MTOR: variants seen among roughly 807,000 people sequenced by gnomAD.
MTOR encodes mechanistic target of rapamycin kinase, also known as serine/threonine-protein kinase mTOR.
A neutral mutation model predicts 319.8 loss-of-function variants in MTOR; 70 were observed. That is an observed-to-expected ratio of 0.22 (90% CI 0.18 to 0.27). The LOEUF is 0.27. MTOR is among the 10% of genes least tolerant of loss of function. The pLI, the probability that MTOR is intolerant of heterozygous loss-of-function variation, is 1.00. For synonymous variants in MTOR, 1,183 were observed against 1,211.4 expected (o/e 0.98, Z 0.49); for missense variants, 1,890 against 3,274.4 (o/e 0.58, Z 10.32).
At position 11,247,937 on chromosome 1, in the gene MTOR, A is replaced by C. The variant is rs1649066225; in HGVS notation, c.998T>G (p.Leu333Arg). 3.1e-6 allele frequency: 5 copies of C among 1,614,166 alleles called. No individual in the cohort carries two copies. The East Asian group carries it at 1.1e-4, about 36-fold the overall frequency. ...GCCTTGGTGAGAGCTGTACCCCAGC[A>C]GCCCCACCAAGGCATTTGACTGCTG... ...QPQQSNALVG[L>R]LGYSSHQGLM... The change falls in exon 7 of 58, where the codon CTG (leucine) becomes CGG (arginine). Residue 333 changes from leucine to arginine, a missense_variant. Physicochemically the swap from Leu to Arg is moderately radical, Grantham distance 102. Transcript: ENST00000361445.
intron 53 of MTOR, among the ~76,000 whole-genome samples, chr1:11,114,038 G>GT (rs1432236145): frequency 6.6e-6 from 1 of 152,098 alleles, no homozygotes; most frequent in Non-Finnish European, 1.5e-5. Flanking sequence ...CACCATGATT[G>GT]TAAGTTTCCT....
chr1:11,175,244 T>C (rs574712133), intron 28 of MTOR, among the ~76,000 whole-genome samples: 1 of 152,152 alleles, frequency 6.6e-6, no homozygotes, highest in Non-Finnish European at 1.5e-5. Context: ...AAACTGAACC[T>C]GGCGTTAGGA....
intron 28 of MTOR, 45 bp from the exon 29 acceptor site, chr1:11,167,562 G>A (rs779052738): frequency 1.0e-5 from 16 of 1,523,912 alleles, no homozygotes; most frequent in African/African-American, 1.4e-5. Context: ...ACAGGTCTGA[G>A]GGTAGGAGAT....
intron 18 of MTOR, among the ~76,000 whole-genome samples, chr1:11,229,315 C>T (rs1646943220): frequency 6.6e-6 from 1 of 152,164 alleles, no homozygotes; most frequent in South Asian, 2.1e-4. Context: ...TCCTTGGTTC[C>T]CCTAGGGAAT....
intron 29 of MTOR, among the ~76,000 whole-genome samples, chr1:11,164,420 C>T (rs1421549871): frequency 6.6e-6 from 1 of 151,050 alleles, no homozygotes; most frequent in Admixed American, 6.6e-5. Flanking sequence ...GATATCACCA[C>T]CGATCCCACA....
intron 28 of MTOR, chr1:11,192,351 T>C: frequency 6.2e-7 from 1 of 1,613,536 alleles, no homozygotes; most frequent in Non-Finnish European, 8.5e-7. Flanking sequence ...GATGACTTCC[T>C]GGGCAGCCCT....
intron 18 of MTOR, 102 bp downstream of exon 18, chr1:11,230,823 C>G: frequency 1.3e-6 from 2 of 1,514,396 alleles, no homozygotes; most frequent in South Asian, 2.4e-5. Context: ...AGCCAATATC[C>G]TATAATTTCT....
At chr1:11,160,900 C>A (rs560196094) in intron 29 of MTOR, among the ~76,000 whole-genome samples, 2 of 152,298 alleles carry the variant, frequency 1.3e-5, no homozygotes, top group South Asian at 2.1e-4. Context: ...ACCTGAGGTA[C>A]TGGGTTCATC....
chr1:11,167,571 ATGTGGGGG>A, intron 28 of MTOR, 54 bp from the exon 29 acceptor site: 1 of 1,416,702 alleles, frequency 7.1e-7, no homozygotes, highest in Admixed American at 1.7e-5. Context: ...AGGGTAGGAG[ATGTGGGGG>A]TCATTTGTGG....
chr1:11,250,870 A>G (rs1340040089), intron 6 of MTOR, among the ~76,000 whole-genome samples: 1 of 152,106 alleles, frequency 6.6e-6, no homozygotes, highest in Admixed American at 6.6e-5. Flanking sequence ...ACACCTTGAC[A>G]CTTCTTTCTC....
At chr1:11,173,444 A>AT (rs1275103160) in intron 28 of MTOR, among the ~76,000 whole-genome samples, 173 of 144,164 alleles carry the variant, frequency 1.2e-3, no homozygotes, top group Non-Finnish European at 1.7e-3. Context: ...ACACATTATT[A>AT]TTTTTTTTTT....
At chr1:11,214,131 T>C (rs1270785836) in intron 20 of MTOR, among the ~76,000 whole-genome samples, 2 of 152,244 alleles carry the variant, frequency 1.3e-5, no homozygotes, top group Admixed American at 1.3e-4. Context: ...CAGGGTGGAC[T>C]TGGACCTTAC....
At position 11,127,268 on chromosome 1, in the gene MTOR, G is replaced by T; in HGVS notation, c.6217-124C>A. The T allele has an allele frequency of 7.3e-7, 1 of 1,372,756 alleles. No individual in the cohort carries two copies. Among genetic ancestry groups the T allele is most frequent in the Non-Finnish European group, 9.9e-7 (1 of 1,011,254 alleles). 85.0% of individuals were successfully genotyped at this position (1,372,756 alleles called of 1,614,324 possible). On this transcript the variant is annotated intron_variant, in intron 44 of 57. Transcript: ENST00000361445. This position sits in a 1 kb window ranked among gnomAD's most constrained non-coding sequence, Gnocchi z 5.5. ...CTGTGGCCTGAAAACACTGGCAGGGGGCTGGAGAAAGCAAGAGCATAGGTG... is the reference window on the plus strand; with the variant it reads ...CTGTGGCCTGAAAACACTGGCAGGGTGCTGGAGAAAGCAAGAGCATAGGTG...
chr1:11,212,241 G>C lies in MTOR; in HGVS notation c.3561+71C>G. On this transcript the variant is annotated intron_variant, in intron 23 of 57. Transcript: ENST00000361445. The surrounding 1 kb of genome is among the most constrained non-coding windows in gnomAD (Gnocchi z 4.1). ...GTGGCTGGCATCAGACAAAGTCTGA[G>C]TGGCTCACAGACAAAGTCTTCTTTC... 6.6e-7 allele frequency: 1 copy of C among 1,524,788 alleles called. No homozygotes were observed. Among genetic ancestry groups the C allele is most frequent in the Non-Finnish European group, 8.8e-7 (1 of 1,133,134 alleles). The allele number at this position is 1,524,788 out of a possible 1,614,324, so 94.5% of individuals were successfully genotyped here.
chr1:11,163,457 C>T (rs1471585119), intron 29 of MTOR, among the ~76,000 whole-genome samples: 2 of 152,198 alleles, frequency 1.3e-5, no homozygotes, highest in African/African-American at 4.8e-5. Flanking sequence ...CAGAACTCTC[C>T]ACCCCAAATC....
At chr1:11,170,251 T>C (rs1385246997) in intron 28 of MTOR, among the ~76,000 whole-genome samples, 1 of 152,218 alleles carries the variant, frequency 6.6e-6, no homozygotes, top group Non-Finnish European at 1.5e-5. Context: ...TGTAGGTTCA[T>C]TGGGAAGCAG....
In MTOR at chr1:11,194,944, C is replaced by A; in HGVS notation, c.4253+4314G>T. ...CACAATAAGCACCTGGATGGCATCA[C>A]CTGGTATGGCTGGCATGGATCTACC... is the stretch of plus-strand genomic sequence containing the variant. On this transcript the variant is annotated intron_variant, in intron 28 of 57. Coordinates refer to ENST00000361445, the MANE Select transcript of MTOR (RefSeq NM_004958.4). 1 of 1,614,092 alleles carries A rather than the reference C, an allele frequency of 6.2e-7. No homozygotes were observed. Among genetic ancestry groups the A allele is most frequent in the Non-Finnish European group, 8.5e-7 (1 of 1,180,030 alleles).
Position 11,172,168 on chromosome 1 carries a change from G to A in MTOR, c.4254-4651C>T, listed in dbSNP as rs111590520. Among the ~76,000 whole-genome samples, 412 of 151,036 alleles carry A rather than the reference G, an allele frequency of 2.7e-3. 9 individuals carry two copies. The highest frequency in any genetic ancestry group is 9.3e-3 in the African/African-American group (377 of 40,358). ...AGAGGGCAACAGGCTGGGCTCACTG[G>A]GGGACCAGGCCTTTACCAGTGGCCA... is the stretch of plus-strand genomic sequence containing the variant. On this transcript the variant is annotated intron_variant, in intron 28 of 57. Transcript: ENST00000361445.
Position 11,130,523 on chromosome 1 carries a change from G to C in MTOR, c.5613+6C>G, listed in dbSNP as rs901872957. ...TGGTTGTTAATAAGGAAGAAGGGAA[G>C]GGTACCTCAGTGACCTTCTTCTGCA... On this transcript the variant is annotated splice_donor_region_variant and intron_variant, in intron 39 of 57. Coordinates refer to ENST00000361445, the MANE Select transcript of MTOR (RefSeq NM_004958.4). 6.2e-7 allele frequency: 1 copy of C among 1,610,784 alleles called. No homozygotes were observed. Among genetic ancestry groups the C allele is most frequent in the Non-Finnish European group, 8.5e-7 (1 of 1,178,136 alleles).
Sources: gnomAD v4.1 joint callset for allele counts (sites outside exome capture counted in the v4.1 genomes callset) on GRCh38, gnomAD v4.1.1 for gene constraint, Gnocchi (gnomAD v3.1) non-coding constraint, MANE v1.5 for transcripts, NCBI Gene and HGNC (gene_info 2026-07-23, HGNC 2026-07-21) for gene names.